Variants in DMD observed in about 807,000 individuals in gnomAD.
DMD encodes the protein dystrophin.
In DMD, 63 loss-of-function variants were observed where a neutral mutation model predicts 330.1. The observed-to-expected ratio is 0.19, with a 90% CI of 0.16 to 0.24. The LOEUF is 0.24. DMD is among the 10% of genes least tolerant of loss of function. DMD has a pLI of 1.00. For missense variants in DMD, 3,344 were observed against 2,684.1 expected (o/e 1.25, Z -5.43); for synonymous variants, 1,223 against 959.8 (o/e 1.27, Z -5.07).
intron 1 of DMD, among the ~76,000 whole-genome samples, chrX:33,121,029 T>C (rs1437411457): frequency 9.1e-6 from 1 of 110,456 alleles, no homozygotes; most frequent in Non-Finnish European, 1.9e-5. Context: ...TTTGGAATGC[T>C]ATTTGCAAAC....
chrX:33,338,159 G>T (rs1176699011), intron 1 of DMD, among the ~76,000 whole-genome samples: 1 of 111,680 alleles, frequency 9.0e-6, no homozygotes, highest in Non-Finnish European at 1.9e-5. Context: ...CCCTAGTGGT[G>T]ATAAAGATTA....
rs757698206 is a variant in DMD, at chrX:32,945,989, A to G, written c.93+74150T>C. 1.1e-4 allele frequency among the ~76,000 whole-genome samples: 12 copies of G among 111,501 alleles called. No individual in the cohort carries two copies. In the South Asian group the frequency reaches 4.5e-3, roughly 41 times the overall value. ...GTATGCTATTTTTTTGAAGTCTCAT[A>G]ATCAAGATTATAAGGGCTTTAGAAC... is the stretch of plus-strand genomic sequence containing the variant. On this transcript the variant is annotated intron_variant, in intron 2 of 78. Transcript: ENST00000357033.
At chrX:32,566,137 C>A (rs1043166028) in intron 15 of DMD, among the ~76,000 whole-genome samples, 20 of 111,998 alleles carry the variant, frequency 1.8e-4, no homozygotes, top group Admixed American at 6.7e-4. Flanking sequence ...TAATTAAGAG[C>A]TACCTTGAAA....
At chrX:32,129,330 T>C (rs1435696823) in intron 44 of DMD, among the ~76,000 whole-genome samples, 1 of 111,420 alleles carries the variant, frequency 9.0e-6, no homozygotes, top group Non-Finnish European at 1.9e-5. Context: ...AAGTACATTT[T>C]ATGATGAGAA....
intron 1 of DMD, among the ~76,000 whole-genome samples, chrX:33,195,575 G>A (rs2050879875): frequency 9.0e-6 from 1 of 111,709 alleles, no homozygotes; most frequent in African/African-American, 3.3e-5. Context: ...GAAAGAAAGA[G>A]AAAACAAAGT....
intron 48 of DMD, among the ~76,000 whole-genome samples, chrX:31,837,901 T>C (rs998796563): frequency 5.3e-5 from 6 of 112,462 alleles, no homozygotes; most frequent in Admixed American, 4.7e-4. Flanking sequence ...TTATAATAAA[T>C]ACCAGCAGCA....
At chrX:32,613,601 C>T (rs1430926004) in intron 12 of DMD, among the ~76,000 whole-genome samples, 1 of 110,131 alleles carries the variant, frequency 9.1e-6, no homozygotes, top group African/African-American at 3.3e-5. Context: ...CTTCAATTTA[C>T]TATAAATTGA....
At chrX:33,302,227 C>A (rs971131011) in intron 1 of DMD, among the ~76,000 whole-genome samples, 1 of 111,351 alleles carries the variant, frequency 9.0e-6, no homozygotes, top group African/African-American at 3.3e-5. Context: ...AAAGAATAAC[C>A]TTGTCCATAC....
rs12688552 is a variant in DMD at position 32,143,521 on chromosome X, T to C, written c.6438+73395A>G. Among the ~76,000 whole-genome samples, 485 of 109,062 alleles carry C rather than the reference T, an allele frequency of 4.4e-3. 12 individuals are homozygous for C. In the East Asian group the frequency reaches 0.086, roughly 19 times the overall value. The allele number at this position is 109,062 out of a possible 115,157, so 94.7% of individuals were successfully genotyped here. Reference sequence around the variant, plus strand: ...TGTAGGCTGCCAGGGTCTCTCGCTGTAGTTAAAAGTAAAAATACATTTTTT... The same window carrying C: ...TGTAGGCTGCCAGGGTCTCTCGCTGCAGTTAAAAGTAAAAATACATTTTTT... On this transcript the variant is annotated intron_variant, in intron 44 of 78. Coordinates refer to ENST00000357033, the MANE Select transcript of DMD (RefSeq NM_004006.3).
At chrX:32,858,103 T>C (rs2149066357) in intron 2 of DMD, among the ~76,000 whole-genome samples, 1 of 111,433 alleles carries the variant, frequency 9.0e-6, no homozygotes, top group African/African-American at 3.3e-5. Context: ...ATCCAATTTC[T>C]ATTAGTCATA....
At chrX:32,989,202 T>C (rs1324657211) in intron 2 of DMD, among the ~76,000 whole-genome samples, 1 of 111,633 alleles carries the variant, frequency 9.0e-6, no homozygotes, top group Admixed American at 9.6e-5. Flanking sequence ...GATAAAACTT[T>C]ATGGCACTCT....
At chrX:32,687,072 G>T (rs2062936420) in intron 9 of DMD, among the ~76,000 whole-genome samples, 1 of 112,064 alleles carries the variant, frequency 8.9e-6, no homozygotes, top group Non-Finnish European at 1.9e-5. Context: ...AAATGGATTT[G>T]AAATTTCATT....
intron 53 of DMD, among the ~76,000 whole-genome samples, chrX:31,666,365 G>T (rs2081427924): frequency 8.9e-6 from 1 of 111,831 alleles, no homozygotes; most frequent in African/African-American, 3.2e-5. Context: ...TACCAAGATG[G>T]AGATACCATC....
At chrX:32,883,732 G>T (rs1324645085) in intron 2 of DMD, among the ~76,000 whole-genome samples, 2 of 101,149 alleles carry the variant, frequency 2.0e-5, no homozygotes, top group African/African-American at 7.3e-5. Context: ...GCTGAGGCAG[G>T]AGAATGGCGT....
chrX:32,151,649 T>C (rs2096804026), intron 44 of DMD, among the ~76,000 whole-genome samples: 1 of 111,948 alleles, frequency 8.9e-6, no homozygotes, highest in South Asian at 3.7e-4. Flanking sequence ...TTCCTGAACA[T>C]TACTCCAAAT....
intron 1 of DMD, among the ~76,000 whole-genome samples, chrX:33,311,141 C>A (rs929199243): frequency 1.8e-5 from 2 of 109,756 alleles, no homozygotes; most frequent in African/African-American, 6.6e-5. Flanking sequence ...ATACATACTT[C>A]ATACTGTATA....
chrX:31,389,737 T>A (rs1321138357), intron 60 of DMD, among the ~76,000 whole-genome samples: 1 of 112,128 alleles, frequency 8.9e-6, no homozygotes, highest in Non-Finnish European at 1.9e-5. Context: ...TTCAAGAAAA[T>A]TGACCATAGA....
intron 55 of DMD, among the ~76,000 whole-genome samples, chrX:31,542,308 T>C (rs1005265911): frequency 8.9e-6 from 1 of 111,903 alleles, no homozygotes; most frequent in East Asian, 2.8e-4. Flanking sequence ...ACGAAGGGTA[T>C]TCCAGGAAGA....
intron 41 of DMD, among the ~76,000 whole-genome samples, chrX:32,333,875 C>T (rs965872978): frequency 2.7e-5 from 3 of 111,692 alleles, no homozygotes; most frequent in Non-Finnish European, 3.8e-5. Flanking sequence ...TTCAGTTTCA[C>T]GTAAGATGAT....
Sources: gnomAD v4.1 joint callset for allele counts (sites outside exome capture counted in the v4.1 genomes callset) on GRCh38, gnomAD v4.1.1 for gene constraint, MANE v1.5 for transcripts, NCBI Gene and HGNC (gene_info 2026-07-23, HGNC 2026-07-21) for gene names.